Variants in ARAP1 observed in about 807,000 individuals in gnomAD.
ARAP1 encodes the protein arf-GAP with Rho-GAP domain, ANK repeat and PH domain-containing protein 1.
Under a neutral mutation model 172.2 loss-of-function variants are expected in ARAP1, and 76 were observed. The ratio of observed to expected loss-of-function variants is 0.44; its 90% CI spans 0.37 to 0.53. The LOEUF (loss-of-function observed/expected upper bound fraction) is 0.53, where lower values mean the gene tolerates loss of function less well. Among genes scored for constraint, ARAP1 ranks in the 20% least tolerant of loss-of-function variants. ARAP1 has a pLI of 0.00. For synonymous variants in ARAP1, 804 were observed against 803.3 expected (o/e 1.00, Z -0.01); for missense variants, 1,686 against 1,977.5 (o/e 0.85, Z 2.80).
At chr11:72,707,106 G>T (rs1856804146) in intron 12 of ARAP1, 69 bp downstream of exon 12, 4 of 1,445,392 alleles carry the variant, frequency 2.8e-6, no homozygotes, top group Non-Finnish European at 3.7e-6. Context: ...CTCCAGATAG[G>T]ATACCTGCCA....
chr11:72,722,352 G>C (rs758126590), intron 3 of ARAP1: 39 of 985,360 alleles, frequency 4.0e-5, no homozygotes, highest in Non-Finnish European at 4.7e-5. Flanking sequence ...CTGAGAAAGC[G>C]AAAAGTCACC....
At chr11:72,722,185 G>A (rs1423437361) in intron 3 of ARAP1, 1 of 978,412 alleles carries the variant, frequency 1.0e-6, no homozygotes, top group East Asian at 1.1e-4. Flanking sequence ...GACAGAGGGA[G>A]AGAGAGAGAG....
intron 7 of ARAP1, 81 bp from the exon 8 acceptor site, chr11:72,711,580 C>T: frequency 1.6e-6 from 2 of 1,219,330 alleles, no homozygotes; most frequent in Non-Finnish European, 2.4e-6. Context: ...TCAGAAGCCA[C>T]ACTCAGAGTG....
In ARAP1 at chr11:72,745,027, C is replaced by A. The variant is rs573304129; in HGVS notation, c.-128+7301G>T. 2.0e-4 allele frequency among the ~76,000 whole-genome samples: 31 copies of A among 152,284 alleles called. No individual in the cohort carries two copies. In the East Asian group the frequency reaches 6.0e-3, roughly 29 times the overall value. Reference sequence around the variant, plus strand: ...TCACCAAGCACGGGAGCCGCTACCCCAGAGCTTTCCTGTTATCATCTGGAA... The same window carrying A: ...TCACCAAGCACGGGAGCCGCTACCCAAGAGCTTTCCTGTTATCATCTGGAA... On this transcript the variant is annotated intron_variant, in intron 1 of 34. Transcript: ENST00000393609.
At chr11:72,704,106 A>C (rs781539288) in intron 14 of ARAP1, 46 bp downstream of exon 14, 2 of 1,611,786 alleles carry the variant, frequency 1.2e-6, no homozygotes, top group Non-Finnish European at 1.7e-6. Context: ...GGGCAGCAGA[A>C]AGACGGGGGT....
chr11:72,731,287 C>T (rs1367594721), intron 2 of ARAP1, among the ~76,000 whole-genome samples: 1 of 152,158 alleles, frequency 6.6e-6, no homozygotes, highest in Non-Finnish European at 1.5e-5. Context: ...TGAAATGTGA[C>T]CCCCAATGTT....
chr11:72,694,367 C>G (rs1484526246), intron 27 of ARAP1, among the ~76,000 whole-genome samples: 2 of 151,864 alleles, frequency 1.3e-5, no homozygotes, highest in African/African-American at 4.8e-5. Flanking sequence ...CTGCCTCGAT[C>G]TCCAGCCCCA....
At chr11:72,703,870 G>A (rs1156872486) in intron 14 of ARAP1, 2 of 462,482 alleles carry the variant, frequency 4.3e-6, no homozygotes, top group East Asian at 8.3e-5. Flanking sequence ...GCAGGATTCA[G>A]AAGCAACCGG....
chr11:72,743,580 A>T (rs1159727868), intron 1 of ARAP1, among the ~76,000 whole-genome samples: 2 of 152,100 alleles, frequency 1.3e-5, no homozygotes, highest in African/African-American at 2.4e-5. Context: ...AGAGTGAGGG[A>T]GAGTTGGAGG....
At chr11:72,702,251 T>A (rs1856523153) in intron 15 of ARAP1, among the ~76,000 whole-genome samples, 1 of 152,194 alleles carries the variant, frequency 6.6e-6, no homozygotes, top group South Asian at 2.1e-4. Flanking sequence ...TTGGGTGGTC[T>A]CCTGTGTCTC....
chr11:72,701,839 C>T (rs1591188061), intron 15 of ARAP1, 56 bp from the exon 16 acceptor site: 16 of 1,590,366 alleles, frequency 1.0e-5, no homozygotes, highest in Admixed American at 3.4e-5. Flanking sequence ...AGGGTGTCCC[C>T]ACCTCACTCC....
Position 72,710,684 on chromosome 11 carries a change from G to T in ARAP1, c.1214-97C>A. The T allele has an allele frequency of 1.5e-6, 2 of 1,296,204 alleles. No individual in the cohort carries two copies. Among genetic ancestry groups the T allele is most frequent in the Non-Finnish European group, 1.0e-6 (1 of 963,408 alleles). The allele number at this position is 1,296,204 out of a possible 1,614,324, so 80.3% of individuals were successfully genotyped here. On this transcript the variant is annotated intron_variant, in intron 9 of 34. Transcript: ENST00000393609. The surrounding 1 kb of genome is among the most constrained non-coding windows in gnomAD (Gnocchi z 4.3). ...CCTCATGCAACACCTCCTCCAGAAA[G>T]CCCACTCAGATGCCCCCATCATTTT...
Position 72,709,975 on chromosome 11 carries a change from T to C in ARAP1, c.1418A>G (p.Glu473Gly), listed in dbSNP as rs1265091135. The C allele has an allele frequency of 1.2e-6, 2 of 1,611,976 alleles. No individual in the cohort carries two copies. The highest frequency in any genetic ancestry group is 1.7e-6 in the Non-Finnish European group (2 of 1,178,626). ...DKVQLYKNLE[E>G]YHLGIGITFI... ...GGTGATGCCAATGCCCAGGTGGTAC[T>C]CCTGGAGGGCAGATGGGACGGGATG... The change falls in exon 11 of 35, where the codon GAG becomes GGG. Residue 473 changes from glutamate (E) to glycine (G), a missense_variant and splice_region_variant. This residue lies in a region of ARAP1 where 688 missense variants were observed against 856.9 expected (regional missense o/e 0.80). Transcript: ENST00000393609.
At chr11:72,703,991 A>G (rs1856640505) in intron 14 of ARAP1, 161 bp downstream of exon 14, 1 of 968,470 alleles carries the variant, frequency 1.0e-6, no homozygotes, top group African/African-American at 1.7e-5. Flanking sequence ...AACTTTTCAC[A>G]TGGCTTAGGC....
intron 1 of ARAP1, among the ~76,000 whole-genome samples, chr11:72,733,661 G>C (rs1207599981): frequency 1.3e-5 from 2 of 152,098 alleles, no homozygotes; most frequent in Non-Finnish European, 2.9e-5. Flanking sequence ...CCAACACTAG[G>C]GTTAACTTCA....
At chr11:72,696,808 G>C (rs1856215947) in intron 22 of ARAP1, 154 bp from the exon 23 acceptor site, 3 of 931,052 alleles carry the variant, frequency 3.2e-6, no homozygotes, top group East Asian at 5.3e-5. Context: ...AGGAACTCTC[G>C]GTCTTCCAGG....
intron 1 of ARAP1, among the ~76,000 whole-genome samples, chr11:72,747,507 G>A (rs955943205): frequency 6.6e-6 from 1 of 152,160 alleles, no homozygotes; most frequent in Non-Finnish European, 1.5e-5. Flanking sequence ...GTGTGGGCAG[G>A]GTCTGAAGGA....
chr11:72,697,210 G>T lies in ARAP1; in HGVS notation c.2954-15C>A. On this transcript the variant is annotated splice_polypyrimidine_tract_variant and intron_variant, in intron 21 of 34. Coordinates refer to ENST00000393609, the MANE Select transcript of ARAP1 (RefSeq NM_001040118.3). ...GGAGGTCAGGCCTAGGGAGGGGCGGGGCCAAGCGTTCGGGGCCTGAGGCAT... is the reference window on the plus strand; with the variant it reads ...GGAGGTCAGGCCTAGGGAGGGGCGGTGCCAAGCGTTCGGGGCCTGAGGCAT... 6.3e-7 allele frequency: 1 copy of T among 1,594,350 alleles called. No homozygotes were observed.
In ARAP1 at chr11:72,695,814, A is replaced by C. The variant is rs1386183868; in HGVS notation, c.3324T>G (p.Ile1108Met). The C allele has an allele frequency of 1.2e-6, 2 of 1,613,958 alleles. No homozygotes were observed. The highest frequency in any genetic ancestry group is 3.3e-5 in the Admixed American group (2 of 59,988). ...TNQMNVHNLA[I>M]VFGPTLFQTD... ...TCTGGAAGAGCGTGGGCCCAAACACAATTGCCAGGTTGTGCACGTTCATCT... is the reference window on the plus strand; with the variant it reads ...TCTGGAAGAGCGTGGGCCCAAACACCATTGCCAGGTTGTGCACGTTCATCT... Residue 1108 changes from isoleucine to methionine, a missense_variant, in exon 24 of 35, where the codon ATT (isoleucine) becomes ATG (methionine). Coordinates refer to ENST00000393609, the MANE Select transcript of ARAP1 (RefSeq NM_001040118.3). The surrounding 1 kb of genome is among the most constrained non-coding windows in gnomAD (Gnocchi z 4.4).
Sources: allele counts gnomAD v4.1 joint callset (sites outside exome capture counted in the v4.1 genomes callset), GRCh38; gene constraint gnomAD v4.1.1; regional missense constraint gnomAD v4.1.1; non-coding constraint Gnocchi (gnomAD v3.1); transcripts MANE v1.5; gene names NCBI Gene and HGNC (gene_info 2026-07-23, HGNC 2026-07-21).